Variants in GRIP1 observed in about 807,000 individuals in gnomAD.
GRIP1 encodes glutamate receptor-interacting protein 1.
A neutral mutation model predicts 129.9 loss-of-function variants in GRIP1; 45 were observed. The ratio of observed to expected loss-of-function variants is 0.35; its 90% CI spans 0.27 to 0.44. The LOEUF (loss-of-function observed/expected upper bound fraction) is 0.44, where lower values mean the gene tolerates loss of function less well. GRIP1 is among the 20% of genes least tolerant of loss of function. GRIP1 has a pLI of 1.00. For synonymous variants in GRIP1, 530 were observed against 520.8 expected, an observed-to-expected ratio of 1.02 and a Z score of -0.24; for missense variants, 1,196 against 1,396.8, an observed-to-expected ratio of 0.86 and a Z score of 2.29.
intron 1 of GRIP1, among the ~76,000 whole-genome samples, chr12:66,923,370 C>T (rs574589420): frequency 6.6e-6 from 1 of 152,192 alleles, no homozygotes; most frequent in South Asian, 2.1e-4. Flanking sequence ...ACTTGTCTTG[C>T]CATACTGCAC....
At position 67,002,452 on chromosome 12, in the gene GRIP1, T is replaced by C. The variant is rs564899647; in HGVS notation, c.58+66598A>G. Among the ~76,000 whole-genome samples the C allele has an allele frequency of 1.5e-3, 231 of 152,326 alleles. 2 individuals are homozygous for C. Among genetic ancestry groups the C allele is most frequent in the African/African-American group, 4.9e-3 (204 of 41,580 alleles). On this transcript the variant is annotated intron_variant, in intron 1 of 1. Transcript: ENST00000643019. The stretch of plus-strand genomic sequence containing the variant: ...CAGAATGCTGGTGTAGTGCATCAAC[T>C]CACATTTATTCTGCAAACTTCCTCA...
chr12:66,776,249 A>C (rs2037975552), intron 1 of GRIP1, among the ~76,000 whole-genome samples: 1 of 152,234 alleles, frequency 6.6e-6, no homozygotes, highest in Non-Finnish European at 1.5e-5. Context: ...TGTCACCTAC[A>C]TAGGTATCCA....
In GRIP1 at chr12:67,044,410, G is replaced by A. The variant is rs1024553213; in HGVS notation, c.58+24640C>T. Among the ~76,000 whole-genome samples, 4 of 152,118 alleles carry A rather than the reference G, an allele frequency of 2.6e-5. No individual in the cohort carries two copies. The South Asian group carries it at 8.3e-4, about 32-fold the overall frequency. On this transcript the variant is annotated intron_variant, in intron 1 of 1. Coordinates refer to the GRIP1 transcript ENST00000643019. ...TATTGATCTGGTATTATTCCCTGGG[G>A]AAACTACTCAAACATTTTCTTGCTC...
intron 1 of GRIP1, among the ~76,000 whole-genome samples, chr12:67,025,748 C>G (rs1294872920): frequency 6.6e-6 from 1 of 152,018 alleles, no homozygotes; most frequent in Non-Finnish European, 1.5e-5. Flanking sequence ...AGGTTTACCC[C>G]AAGTGTGGAT....
At chr12:66,783,602 T>G (rs1055986254) in intron 1 of GRIP1, among the ~76,000 whole-genome samples, 2 of 152,182 alleles carry the variant, frequency 1.3e-5, no homozygotes, top group Admixed American at 1.3e-4. Flanking sequence ...GGCAATGTTC[T>G]TAACAACATT....
chr12:66,931,590 G>T (rs569743653), intron 1 of GRIP1, among the ~76,000 whole-genome samples: 1 of 152,232 alleles, frequency 6.6e-6, no homozygotes, highest in East Asian at 1.9e-4. Context: ...AGGCATTATT[G>T]CCCTTTTTGA....
intron 1 of GRIP1, among the ~76,000 whole-genome samples, chr12:66,909,498 G>T (rs546217817): frequency 1.3e-5 from 2 of 152,320 alleles, no homozygotes; most frequent in Admixed American, 6.5e-5. Context: ...TTTCAACAAA[G>T]ATGTTTTCAT....
At chr12:66,448,214 C>G (rs1026380424) in intron 11 of GRIP1, among the ~76,000 whole-genome samples, 2 of 152,002 alleles carry the variant, frequency 1.3e-5, no homozygotes, top group South Asian at 2.1e-4. Context: ...GAATCCTCTT[C>G]CCTCTCTCAT....
intron 2 of GRIP1, among the ~76,000 whole-genome samples, chr12:66,556,099 C>T (rs183556591): frequency 5.7e-4 from 87 of 152,034 alleles, no homozygotes; most frequent in African/African-American, 1.9e-3. Flanking sequence ...ACAGATTGAG[C>T]CCAAAGAAGA....
chr12:66,552,224 C>G (rs1361346464), intron 2 of GRIP1, among the ~76,000 whole-genome samples: 2 of 152,152 alleles, frequency 1.3e-5, no homozygotes, highest in Non-Finnish European at 2.9e-5. Flanking sequence ...TAAACTTCAA[C>G]AAGAAATCAG....
intron 1 of GRIP1, among the ~76,000 whole-genome samples, chr12:66,795,399 T>A (rs944795487): frequency 6.6e-6 from 1 of 152,176 alleles, no homozygotes; most frequent in Admixed American, 6.6e-5. Context: ...TGTGAAAACA[T>A]AAGACCAGCT....
chr12:66,613,031 A>C lies in GRIP1; in HGVS notation c.56-16104T>G, dbSNP rs1218540804. ...ATTAGAGCTGAGTTCTGCAGGGCTA[A>C]AAATGGCTCCTTAAAAGCATAGTTA... On this transcript the variant is annotated intron_variant, in intron 1 of 24. Transcript: ENST00000359742. 1.3e-5 allele frequency among the ~76,000 whole-genome samples: 2 copies of C among 152,212 alleles called. 1 individual carries two copies. Among genetic ancestry groups the C allele is most frequent in the Non-Finnish European group, 2.9e-5 (2 of 68,032 alleles).
intron 1 of GRIP1, among the ~76,000 whole-genome samples, chr12:66,728,414 C>A (rs933734243): frequency 3.3e-5 from 5 of 152,132 alleles, no homozygotes; most frequent in Admixed American, 2.0e-4. Context: ...CACACAGTCA[C>A]CCCTGCTGCC....
At chr12:66,646,345 C>T (rs79636824) in intron 1 of GRIP1, among the ~76,000 whole-genome samples, 3,100 of 152,222 alleles carry the variant, frequency 0.02, 119 homozygotes, top group African/African-American at 0.07. Context: ...GGGGGAAGGG[C>T]GAGAGCGGTG....
chr12:66,487,403 A>G (rs1255622864), intron 7 of GRIP1, among the ~76,000 whole-genome samples: 3 of 152,212 alleles, frequency 2.0e-5, no homozygotes, highest in African/African-American at 4.8e-5. Context: ...AAGGAGAAAT[A>G]AGGTCTTTTT....
At chr12:67,033,535 C>T (rs1433658483) in intron 1 of GRIP1, among the ~76,000 whole-genome samples, 2 of 152,074 alleles carry the variant, frequency 1.3e-5, no homozygotes, top group Non-Finnish European at 2.9e-5. Flanking sequence ...ACAGAAGTAG[C>T]AAAGAAATGT....
chr12:67,028,101 T>C (rs567520286), intron 1 of GRIP1, among the ~76,000 whole-genome samples: 1 of 152,310 alleles, frequency 6.6e-6, no homozygotes, highest in East Asian at 1.9e-4. Flanking sequence ...CAACAATATC[T>C]TCCAGGGGGA....
intron 15 of GRIP1, among the ~76,000 whole-genome samples, chr12:66,410,138 T>C (rs1423813741): frequency 6.9e-6 from 1 of 144,320 alleles, no homozygotes; most frequent in African/African-American, 2.6e-5. Flanking sequence ...TAGTCCCAGC[T>C]ACTTGGGAGG....
Position 66,445,382 on chromosome 12 carries a change from G to T in GRIP1, c.1481C>A (p.Thr494Lys). The T allele has an allele frequency of 6.2e-7, 1 of 1,614,182 alleles. No homozygotes were observed. Among genetic ancestry groups the T allele is most frequent in the Non-Finnish European group, 8.5e-7 (1 of 1,179,986 alleles). The change falls in exon 12 of 25, where the codon ACA becomes AAA. Residue 494 changes from threonine to lysine, a missense_variant. Physicochemically the swap from Thr to Lys is moderately conservative, Grantham distance 78 (BLOSUM62 -1). Around this residue, in one of 5 missense-constraint regions of GRIP1, gnomAD observed 508 missense variants for 587.0 expected, o/e 0.87. Coordinates refer to ENST00000359742, the MANE Select transcript of GRIP1 (RefSeq NM_001366722.1). ...CAGAGGTGGAGAAGAGAGAGTTTCTGTGGCAAACACACTGCCCTGCAGTTG... is the reference window on the plus strand; with the variant it reads ...CAGAGGTGGAGAAGAGAGAGTTTCTTTGGCAAACACACTGCCCTGCAGTTG... ...GIQLQGSVFA[T>K]ETLSSPPLIS...
Sources: allele counts gnomAD v4.1 joint callset (sites outside exome capture counted in the v4.1 genomes callset), GRCh38; gene constraint gnomAD v4.1.1; regional missense constraint gnomAD v4.1.1; transcripts MANE v1.5; gene names NCBI Gene and HGNC (gene_info 2026-07-23, HGNC 2026-07-21).